NUCKS1: variants seen among roughly 807,000 people sequenced by gnomAD.
NUCKS1 encodes nuclear casein kinase and cyclin dependent kinase substrate 1.
Under a neutral mutation model 33.0 loss-of-function variants are expected in NUCKS1, and 2 were observed. That is an observed-to-expected ratio of 0.06 (90% CI 0.02 to 0.19). NUCKS1 has a LOEUF of 0.19. Ranked by LOEUF, NUCKS1 falls within the 10% of genes least tolerant of loss-of-function variation. The pLI, the probability that NUCKS1 is intolerant of heterozygous loss-of-function variation, is 1.00. For synonymous variants in NUCKS1, 106 were observed against 102.8 expected (o/e 1.03, Z -0.19); for missense variants, 201 against 293.6 (o/e 0.68, Z 2.31).
chr1:205,745,349 C>T (rs1175492105), intron 1 of NUCKS1, among the ~76,000 whole-genome samples: 2 of 151,956 alleles, frequency 1.3e-5, no homozygotes, highest in South Asian at 2.1e-4. Flanking sequence ...ATTAGCCAGG[C>T]GTGGTGGGCC....
intron 1 of NUCKS1, among the ~76,000 whole-genome samples, chr1:205,740,483 C>T (rs527892682): frequency 6.6e-5 from 10 of 151,854 alleles, no homozygotes; most frequent in East Asian, 2.0e-4. Context: ...GGTGTGGTGG[C>T]GCACGCCTGT....
intron 1 of NUCKS1, among the ~76,000 whole-genome samples, chr1:205,746,489 T>A (rs12091263): frequency 0.027 from 1,711 of 62,740 alleles, 33 homozygotes; most frequent in East Asian, 0.13. Flanking sequence ...ACACACACAC[T>A]AGAGAATAAG....
intron 1 of NUCKS1, among the ~76,000 whole-genome samples, chr1:205,744,620 G>A (rs139984076): frequency 0.024 from 2,896 of 120,334 alleles, 43 homozygotes; most frequent in South Asian, 0.04. Context: ...AAATTCCTAA[G>A]TTCACTAGAG....
intron 1 of NUCKS1, among the ~76,000 whole-genome samples, chr1:205,749,245 G>A (rs1264393918): frequency 6.6e-6 from 1 of 152,216 alleles, no homozygotes; most frequent in Non-Finnish European, 1.5e-5. Flanking sequence ...GCGAACTTTG[G>A]GGTTAACTCT....
intron 4 of NUCKS1, among the ~76,000 whole-genome samples, chr1:205,721,743 T>C (rs1420038985): frequency 6.6e-6 from 1 of 151,652 alleles, no homozygotes; most frequent in Non-Finnish European, 1.5e-5. Context: ...TAGCGCAATC[T>C]CGCCTCACTG....
intron 5 of NUCKS1, 56 bp downstream of exon 5, chr1:205,720,445 G>A (rs1263259146): frequency 5.7e-6 from 9 of 1,567,194 alleles, no homozygotes; most frequent in Non-Finnish European, 7.8e-6. Flanking sequence ...AGTAACCAAG[G>A]TCACAAACTA....
In NUCKS1 at chr1:205,717,495, G is replaced by GGT; in HGVS notation, c.*784_*785insAC. The GGT allele has an allele frequency of 1.1e-6, 1 of 930,188 alleles. No homozygotes were observed. The highest frequency in any genetic ancestry group is 1.3e-6 in the Non-Finnish European group (1 of 784,856). The allele number at this position is 930,188 out of a possible 1,614,324, so 57.6% of individuals were successfully genotyped here. The stretch of plus-strand genomic sequence containing the variant: ...GAAATCAAGAGTTTTGGCAGCCCCT[G>GGT]CTTTTTTTTTTTTTTTAGCTCCCTA... On this transcript the variant is annotated 3_prime_UTR_variant, in exon 7 of 7. Coordinates refer to ENST00000367142, the MANE Select transcript of NUCKS1 (RefSeq NM_022731.5).
chr1:205,730,760 G>T (rs866274191), intron 1 of NUCKS1, among the ~76,000 whole-genome samples: 2 of 152,274 alleles, frequency 1.3e-5, no homozygotes, highest in Non-Finnish European at 2.9e-5. Context: ...TGGGATTACA[G>T]GCGTGAGCCA....
At chr1:205,727,279 A>T (rs1354835627) in intron 3 of NUCKS1, among the ~76,000 whole-genome samples, 1 of 152,168 alleles carries the variant, frequency 6.6e-6, no homozygotes, top group African/African-American at 2.4e-5. Flanking sequence ...TCCTGGTCTT[A>T]TGAGGCAAAA....
At chr1:205,732,221 A>G (rs1303156848) in intron 1 of NUCKS1, among the ~76,000 whole-genome samples, 2 of 152,220 alleles carry the variant, frequency 1.3e-5, no homozygotes, top group Admixed American at 6.5e-5. Flanking sequence ...CTCCAACTAT[A>G]TATTTTATTG....
chr1:205,719,452 G>A, intron 6 of NUCKS1, 75 bp downstream of exon 6: 1 of 1,455,790 alleles, frequency 6.9e-7, no homozygotes, highest in Non-Finnish European at 9.3e-7. Context: ...TCCTAATGAG[G>A]AATTTCTGTA....
chr1:205,722,032 TA>T (rs1037093101), intron 4 of NUCKS1, among the ~76,000 whole-genome samples: 2 of 132,124 alleles, frequency 1.5e-5, no homozygotes, highest in African/African-American at 5.1e-5. Flanking sequence ...GAGAAGCCTA[TA>T]AAAAATTTAC....
chr1:205,738,086 C>T (rs1349806512), intron 1 of NUCKS1, among the ~76,000 whole-genome samples: 1 of 152,136 alleles, frequency 6.6e-6, no homozygotes, highest in Non-Finnish European at 1.5e-5. Flanking sequence ...AGTGCAGTGG[C>T]GTGATCTCGG....
chr1:205,718,110 A>ATT lies in NUCKS1; in HGVS notation c.*169_*170insAA. 1 of 1,231,578 alleles carries ATT rather than the reference A, an allele frequency of 8.1e-7. No homozygotes were observed. The highest frequency in any genetic ancestry group is 1.0e-6 in the Non-Finnish European group (1 of 985,216). The allele number at this position is 1,231,578 out of a possible 1,614,324, so 76.3% of individuals were successfully genotyped here. A position where few individuals can be genotyped will look rare whatever the true frequency, so the allele number is the denominator to read the frequency against. The stretch of plus-strand genomic sequence containing the variant: ...TAAAAAAAAAAAAAAAAAAAGAGAG[A>ATT]GAGAGAGAAATGTTACTTTCAACAA... On this transcript the variant is annotated 3_prime_UTR_variant, in exon 7 of 7. Transcript: ENST00000367142.
chr1:205,725,838 A>C (rs879305846), intron 3 of NUCKS1, among the ~76,000 whole-genome samples: 2 of 152,228 alleles, frequency 1.3e-5, no homozygotes, highest in Non-Finnish European at 1.5e-5. Context: ...ACATGCCACA[A>C]AGCAGGTCTT....
intron 1 of NUCKS1, among the ~76,000 whole-genome samples, chr1:205,742,642 G>A (rs910817623): frequency 6.6e-6 from 1 of 152,144 alleles, no homozygotes; most frequent in Non-Finnish European, 1.5e-5. Context: ...GGCCAACACG[G>A]TGAAACCCCG....
At chr1:205,725,871 A>G (rs937613758) in intron 3 of NUCKS1, among the ~76,000 whole-genome samples, 12 of 152,202 alleles carry the variant, frequency 7.9e-5, no homozygotes, top group Non-Finnish European at 1.3e-4. Context: ...TAAGATAATG[A>G]ATATAATGAA....
At chr1:205,744,688 A>C (rs1026306391) in intron 1 of NUCKS1, among the ~76,000 whole-genome samples, 6 of 121,516 alleles carry the variant, frequency 4.9e-5, no homozygotes, top group Admixed American at 4.5e-4. Context: ...GCTCCAGTGC[A>C]ATGGCGTGGT....
At position 205,724,338 on chromosome 1, in the gene NUCKS1, G is replaced by A. The variant is rs1300816343; in HGVS notation, c.174-357C>T. Among the ~76,000 whole-genome samples the A allele has an allele frequency of 2.6e-5, 4 of 152,272 alleles. No homozygotes were observed. The East Asian group carries it at 7.7e-4, about 29-fold the overall frequency. On this transcript the variant is annotated intron_variant, in intron 3 of 6. Coordinates refer to ENST00000367142, the MANE Select transcript of NUCKS1 (RefSeq NM_022731.5). ...AAAAATACTAAAAATACATAGTGTT[G>A]ATGGCAAATAAAGATCACTAAATAT... is the stretch of plus-strand genomic sequence containing the variant.
Sources: gnomAD v4.1 joint callset for allele counts (sites outside exome capture counted in the v4.1 genomes callset) on GRCh38, gnomAD v4.1.1 for gene constraint, MANE v1.5 for transcripts, NCBI Gene and HGNC (gene_info 2026-07-23, HGNC 2026-07-21) for gene names.